CTNNA3: variants seen among roughly 807,000 people sequenced by gnomAD.
CTNNA3 encodes catenin alpha-3.
A neutral mutation model predicts 95.7 loss-of-function variants in CTNNA3; 76 were observed. The observed-to-expected ratio is 0.79, with a 90% CI of 0.66 to 0.96. The LOEUF is 0.96. CTNNA3 is among the 40% of genes least tolerant of loss of function. The pLI is 0.00. For missense variants in CTNNA3, 1,191 were observed against 1,089.8 expected, an observed-to-expected ratio of 1.09 and a Z score of -1.31; for synonymous variants, 431 against 374.4, an observed-to-expected ratio of 1.15 and a Z score of -1.74.
intron 7 of CTNNA3, among the ~76,000 whole-genome samples, chr10:66,857,399 T>G (rs1028821570): frequency 1.1e-4 from 16 of 152,048 alleles, no homozygotes; most frequent in East Asian, 9.7e-4. Flanking sequence ...ATTTTTTTTT[T>G]TTGTTCCACA....
intron 7 of CTNNA3, among the ~76,000 whole-genome samples, chr10:66,816,967 G>C (rs1360564605): frequency 1.3e-5 from 2 of 151,988 alleles, no homozygotes; most frequent in Non-Finnish European, 2.9e-5. Flanking sequence ...AAAATATTTT[G>C]AGATATATTA....
intron 9 of CTNNA3, 188 bp downstream of exon 9, chr10:66,766,076 A>C: frequency 4.3e-6 from 2 of 465,418 alleles, no homozygotes; most frequent in Non-Finnish European, 7.6e-6. Flanking sequence ...GTGTTTAAAA[A>C]ATAAGACAAG....
intron 13 of CTNNA3, among the ~76,000 whole-genome samples, chr10:66,163,511 AG>A (rs1242442024): frequency 6.6e-6 from 1 of 152,108 alleles, no homozygotes; most frequent in African/African-American, 2.4e-5. Flanking sequence ...TTGAGAGAGG[AG>A]GGTCTCCCTT....
At chr10:67,592,953 A>G (rs1842831738) in intron 3 of CTNNA3, among the ~76,000 whole-genome samples, 1 of 152,106 alleles carries the variant, frequency 6.6e-6, no homozygotes, top group African/African-American at 2.4e-5. Flanking sequence ...TAGTTATTCA[A>G]TCCTAACCCT....
chr10:67,622,287 CCA>C (rs1455707387), intron 2 of CTNNA3, among the ~76,000 whole-genome samples: 5 of 152,128 alleles, frequency 3.3e-5, no homozygotes, highest in African/African-American at 1.2e-4. Flanking sequence ...ACCTGGCTGC[CCA>C]CACAATCAGT....
chr10:66,618,747 A>C (rs991168305), intron 10 of CTNNA3, among the ~76,000 whole-genome samples: 1 of 152,246 alleles, frequency 6.6e-6, no homozygotes, highest in East Asian at 1.9e-4. Context: ...GCACAGCAAA[A>C]GAAACTACCA....
intron 12 of CTNNA3, among the ~76,000 whole-genome samples, chr10:66,292,683 C>A (rs532249480): frequency 9.9e-5 from 15 of 152,278 alleles, no homozygotes; most frequent in Admixed American, 8.5e-4. Flanking sequence ...TATCAATTCA[C>A]TGAGTCAGCA....
At chr10:66,525,333 C>T (rs1451870980) in intron 10 of CTNNA3, among the ~76,000 whole-genome samples, 1 of 152,116 alleles carries the variant, frequency 6.6e-6, no homozygotes, top group African/African-American at 2.4e-5. Context: ...GCATCATGCA[C>T]CACTGTTCCA....
At chr10:66,466,927 C>T (rs942650283) in intron 11 of CTNNA3, among the ~76,000 whole-genome samples, 1 of 152,056 alleles carries the variant, frequency 6.6e-6, no homozygotes, top group Non-Finnish European at 1.5e-5. Context: ...TACTAATTGA[C>T]ATTATATTAT....
intron 12 of CTNNA3, among the ~76,000 whole-genome samples, chr10:66,282,559 TG>T (rs921357746): frequency 1.3e-5 from 2 of 151,832 alleles, no homozygotes; most frequent in Non-Finnish European, 2.9e-5. Flanking sequence ...TGCTCTACTA[TG>T]TAAATATATC....
intron 12 of CTNNA3, among the ~76,000 whole-genome samples, chr10:66,368,206 C>T (rs151195430): frequency 2.4e-3 from 359 of 152,028 alleles, no homozygotes; most frequent in African/African-American, 8.3e-3. Context: ...ATATAGTATT[C>T]TAAGATCATG....
intron 7 of CTNNA3, among the ~76,000 whole-genome samples, chr10:66,989,882 G>A (rs371474138): frequency 7.2e-5 from 11 of 152,034 alleles, no homozygotes; most frequent in East Asian, 1.9e-4. Context: ...ATTATTTAGC[G>A]GCAATAGGAC....
At chr10:66,010,344 T>C (rs2078981080) in intron 15 of CTNNA3, among the ~76,000 whole-genome samples, 1 of 152,142 alleles carries the variant, frequency 6.6e-6, no homozygotes, top group Non-Finnish European at 1.5e-5. Context: ...AACTAAAAAG[T>C]AGTTTATTCC....
chr10:66,434,603 T>C (rs1482872552), intron 11 of CTNNA3, among the ~76,000 whole-genome samples: 1 of 152,180 alleles, frequency 6.6e-6, no homozygotes, highest in Admixed American at 6.6e-5. Flanking sequence ...AGAGACAATT[T>C]GACCTCCTCT....
At chr10:66,872,774 G>T (rs1253141861) in intron 7 of CTNNA3, among the ~76,000 whole-genome samples, 1 of 152,012 alleles carries the variant, frequency 6.6e-6, no homozygotes, top group African/African-American at 2.4e-5. Flanking sequence ...GACATCTAGG[G>T]TGTGGATATT....
chr10:67,758,716 G>C (rs2131756138), intron 1 of CTNNA3, among the ~76,000 whole-genome samples: 1 of 152,082 alleles, frequency 6.6e-6, no homozygotes, highest in South Asian at 2.1e-4. Context: ...ATAAATAACT[G>C]GGTATAAGAT....
chr10:66,119,878 A>C (rs2082502000), intron 13 of CTNNA3, among the ~76,000 whole-genome samples: 1 of 152,130 alleles, frequency 6.6e-6, no homozygotes, highest in Non-Finnish European at 1.5e-5. Flanking sequence ...TACTCTGGAA[A>C]ACTTATTTGG....
chr10:66,147,683 T>C (rs1414540516), intron 13 of CTNNA3, among the ~76,000 whole-genome samples: 1 of 149,654 alleles, frequency 6.7e-6, no homozygotes, highest in Non-Finnish European at 1.5e-5. Flanking sequence ...TCAATATATA[T>C]CTATATTTAG....
At chr10:66,279,480 C>G (rs1336574215) in intron 13 of CTNNA3, among the ~76,000 whole-genome samples, 1 of 152,106 alleles carries the variant, frequency 6.6e-6, no homozygotes, top group African/African-American at 2.4e-5. Context: ...TGGCCCTGAA[C>G]ATGAGGTTCA....
Sources: gnomAD v4.1 joint callset for allele counts (sites outside exome capture counted in the v4.1 genomes callset) on GRCh38, gnomAD v4.1.1 for gene constraint, MANE v1.5 for transcripts, NCBI Gene and HGNC (gene_info 2026-07-23, HGNC 2026-07-21) for gene names.